NR2C2: variants seen among roughly 807,000 people sequenced by gnomAD.
NR2C2 encodes the protein Nuclear hormone receptor TR4.
A neutral mutation model predicts 62.9 loss-of-function variants in NR2C2; 6 were observed. That is an observed-to-expected ratio of 0.10 (90% CI 0.05 to 0.19). NR2C2 has a LOEUF of 0.19. NR2C2 is among the 10% of genes least tolerant of loss of function. NR2C2 has a pLI of 1.00. For synonymous variants in NR2C2, 272 were observed against 273.8 expected (o/e 0.99, Z 0.07); for missense variants, 479 against 762.7 (o/e 0.63, Z 4.38).
rs374253238 is a variant in NR2C2 at position 14,999,916 on chromosome 3, G to T, written c.-39-3960G>T. Among the ~76,000 whole-genome samples, 18 of 151,936 alleles carry T rather than the reference G, an allele frequency of 1.2e-4. No individual in the cohort carries two copies. In the East Asian group the frequency reaches 2.5e-3, roughly 21 times the overall value. On this transcript the variant is annotated intron_variant, in intron 1 of 13. Transcript: ENST00000425241. ...TTAAGTTACAAATTGAGTTTATATT[G>T]CATATATTTACAGTACAAAGTGATG...
chr3:15,016,235 C>G lies in NR2C2; in HGVS notation c.357C>G (p.Val119=). 1.2e-6 allele frequency: 2 copies of G among 1,613,842 alleles called. No individual in the cohort carries two copies. The highest frequency in any genetic ancestry group is 1.1e-5 in the South Asian group (1 of 91,054). The change falls in exon 4 of 14, where the codon GTC becomes GTG. Residue 119 remains valine (V), a synonymous_variant. Coordinates refer to ENST00000425241, the MANE Select transcript of NR2C2 (RefSeq NM_001291694.2). ...QRPQVVEYCV[V]CGDKASGRHY... Reference sequence around the variant, plus strand: ...CCCAGGTGGTAGAGTACTGTGTGGTCTGTGGCGACAAAGCCTCCGGTATGT... The same window carrying G: ...CCCAGGTGGTAGAGTACTGTGTGGTGTGTGGCGACAAAGCCTCCGGTATGT...
chr3:15,002,267 T>A (rs2041029011), intron 1 of NR2C2, among the ~76,000 whole-genome samples: 1 of 152,202 alleles, frequency 6.6e-6, no homozygotes, highest in African/African-American at 2.4e-5. Flanking sequence ...TCTCGTTTAT[T>A]GAGTGTTTTT....
intron 9 of NR2C2, among the ~76,000 whole-genome samples, chr3:15,031,416 T>A (rs34520640): frequency 0.15 from 22,297 of 151,854 alleles, 1,930 homozygotes; most frequent in Middle Eastern, 0.21. Context: ...CGTAGTGATG[T>A]GATTGTGGCT....
At chr3:15,013,828 CT>C (rs752735563) in intron 3 of NR2C2, 39 bp downstream of exon 3, 1 of 1,599,246 alleles carries the variant, frequency 6.3e-7, no homozygotes, top group Non-Finnish European at 8.6e-7. Flanking sequence ...AGCACTTCTG[CT>C]ATTGAACTTG....
In NR2C2 at chr3:14,947,853, GC is replaced by G. The variant is rs2039168334; in HGVS notation, c.-90del. ...CGCCCTGCCCTCCGCGCCGGGGGCC[GC>G]CCGCCGCAGACACGGGACCCGCTTC... On this transcript the variant is annotated 5_prime_UTR_variant, in exon 1 of 14. Coordinates refer to ENST00000425241, the MANE Select transcript of NR2C2 (RefSeq NM_001291694.2). 6.7e-6 allele frequency: 1 copy of G among 148,292 alleles called. No individual in the cohort carries two copies. Among genetic ancestry groups the G allele is most frequent in the South Asian group, 2.1e-4 (1 of 4,724 alleles). 9.2% of individuals were successfully genotyped at this position (148,292 alleles called of 1,614,324 possible).
chr3:14,965,548 C>T (rs899875841), intron 1 of NR2C2, among the ~76,000 whole-genome samples: 206 of 119,314 alleles, frequency 1.7e-3, no homozygotes, highest in African/African-American at 6.5e-3. Context: ...AAAAAAAAAG[C>T]ATTTTTAGAG....
intron 1 of NR2C2, among the ~76,000 whole-genome samples, chr3:14,991,544 G>T (rs527838327): frequency 6.6e-6 from 1 of 152,224 alleles, no homozygotes; most frequent in Non-Finnish European, 1.5e-5. Context: ...CTGAAGTGTT[G>T]AGAAGTACTG....
chr3:14,987,498 A>C, intron 1 of NR2C2, among the ~76,000 whole-genome samples: 1 of 152,216 alleles, frequency 6.6e-6, no homozygotes, highest in East Asian at 1.9e-4. Context: ...TGGTTTTAAA[A>C]GGTAGCCTTG....
chr3:15,033,386 G>C (rs984035629), intron 10 of NR2C2, among the ~76,000 whole-genome samples: 5 of 152,180 alleles, frequency 3.3e-5, no homozygotes, highest in Admixed American at 3.3e-4. Context: ...TCTTAACCCA[G>C]TGCCTGGCAT....
rs142451354 is a variant in NR2C2 at position 14,985,499 on chromosome 3, CTTAAT to C, written c.-39-18373_-39-18369del. Among the ~76,000 whole-genome samples the C allele has an allele frequency of 4.9e-3, 746 of 152,016 alleles. 11 individuals are homozygous for C. Among genetic ancestry groups the C allele is most frequent in the African/African-American group, 0.017 (699 of 41,500 alleles). ...TATGATACTGATTCTTTGAAATTGGCTTAATTTATTTTTAGTTTATGTTTTCTTCC... is the reference window on the plus strand; with the variant it reads ...TATGATACTGATTCTTTGAAATTGGCTTATTTTTAGTTTATGTTTTCTTCC... On this transcript the variant is annotated intron_variant, in intron 1 of 13. Coordinates refer to ENST00000425241, the MANE Select transcript of NR2C2 (RefSeq NM_001291694.2).
In NR2C2 at chr3:15,047,116, G is replaced by C. The variant is rs2042484363; in HGVS notation, c.*4108G>C. 1 of 152,604 alleles carries C rather than the reference G, an allele frequency of 6.6e-6. No homozygotes were observed. Among genetic ancestry groups the C allele is most frequent in the Admixed American group, 6.5e-5 (1 of 15,272 alleles). 9.5% of individuals were successfully genotyped at this position (152,604 alleles called of 1,614,324 possible). A position where few individuals can be genotyped will look rare whatever the true frequency, so the allele number is the denominator to read the frequency against. On this transcript the variant is annotated 3_prime_UTR_variant, in exon 14 of 14. Transcript: ENST00000425241. Reference sequence around the variant, plus strand: ...TATATAGTGTGTGTATGTGTACATAGATGTATATTATGTATACAGACATGT... The same window carrying C: ...TATATAGTGTGTGTATGTGTACATACATGTATATTATGTATACAGACATGT...
rs777385141 is a variant in NR2C2 at position 15,030,497 on chromosome 3, A to G, written c.1110+45A>G. The G allele has an allele frequency of 4.6e-6, 7 of 1,511,648 alleles. No individual in the cohort carries two copies. The South Asian group carries it at 9.3e-5, about 20-fold the overall frequency. The allele number at this position is 1,511,648 out of a possible 1,614,324, so 93.6% of individuals were successfully genotyped here. On this transcript the variant is annotated intron_variant, in intron 9 of 13. Coordinates refer to ENST00000425241, the MANE Select transcript of NR2C2 (RefSeq NM_001291694.2). ...CCATGTGCCCCCAACCTGCTGGGGG[A>G]TAGGTTCTGTACCAAAGCCGATCTG...
chr3:15,020,708 C>A (rs2041647978), intron 4 of NR2C2, 45 bp from the exon 5 acceptor site: 2 of 1,601,496 alleles, frequency 1.2e-6, no homozygotes, highest in Non-Finnish European at 1.7e-6. Flanking sequence ...GGTGAATCCA[C>A]AAATATAGTC....
At position 14,981,934 on chromosome 3, in the gene NR2C2, C is replaced by G. The variant is rs565107569; in HGVS notation, c.-39-21942C>G. Among the ~76,000 whole-genome samples the G allele has an allele frequency of 2.0e-5, 3 of 152,330 alleles. No homozygotes were observed. In the South Asian group the frequency reaches 6.2e-4, roughly 32 times the overall value. Reference sequence around the variant, plus strand: ...TCTGTACGCTTTTATCCTAGCTGGGCTGGCAGCTAACTAGATGGTGCTTTC... The same window carrying G: ...TCTGTACGCTTTTATCCTAGCTGGGGTGGCAGCTAACTAGATGGTGCTTTC... On this transcript the variant is annotated intron_variant, in intron 1 of 13. Transcript: ENST00000425241.
intron 1 of NR2C2, among the ~76,000 whole-genome samples, chr3:14,994,384 C>T (rs1200184896): frequency 6.6e-6 from 1 of 151,388 alleles, no homozygotes. Flanking sequence ...TAAAGATGAA[C>T]TCTACCCCAG....
At chr3:15,039,608 C>T (rs1177900463) in intron 13 of NR2C2, among the ~76,000 whole-genome samples, 4 of 152,286 alleles carry the variant, frequency 2.6e-5, no homozygotes, top group African/African-American at 7.2e-5. Flanking sequence ...ATGGAGATTC[C>T]TTTGTCCAGA....
chr3:14,982,151 C>T (rs2040389140), intron 1 of NR2C2, among the ~76,000 whole-genome samples: 1 of 152,202 alleles, frequency 6.6e-6, no homozygotes, highest in South Asian at 2.1e-4. Flanking sequence ...ACTGCAGCCT[C>T]ACTCTTGGGC....
At position 15,043,191 on chromosome 3, in the gene NR2C2, C is replaced by T. The variant is rs1052008855; in HGVS notation, c.*183C>T. 9.2e-6 allele frequency: 4 copies of T among 436,140 alleles called. No individual in the cohort carries two copies. Among genetic ancestry groups the T allele is most frequent in the Non-Finnish European group, 1.6e-5 (4 of 256,114 alleles). 27.0% of individuals were successfully genotyped at this position (436,140 alleles called of 1,614,324 possible). A position where few individuals can be genotyped will look rare whatever the true frequency, so the allele number is the denominator to read the frequency against. ...AAAGACTAGTAGGATCCTTTCCTGA[C>T]ATAAGAAATGTTTTAATGCCTTTTG... On this transcript the variant is annotated 3_prime_UTR_variant, in exon 14 of 14. Coordinates refer to ENST00000425241, the MANE Select transcript of NR2C2 (RefSeq NM_001291694.2).
chr3:14,985,916 G>T (rs1337469254), intron 1 of NR2C2, among the ~76,000 whole-genome samples: 1 of 152,118 alleles, frequency 6.6e-6, no homozygotes, highest in Non-Finnish European at 1.5e-5. Context: ...AGCTATCTGG[G>T]TCAAAGTGTG....
Sources: gnomAD v4.1 joint callset for allele counts (sites outside exome capture counted in the v4.1 genomes callset) on GRCh38, gnomAD v4.1.1 for gene constraint, MANE v1.5 for transcripts, NCBI Gene and HGNC (gene_info 2026-07-23, HGNC 2026-07-21) for gene names.